IFT70A: variants seen among roughly 807,000 people sequenced by gnomAD.
IFT70A encodes intraflagellar transport protein 70A.
At chr2:177,616,814 T>C in the IFT70A span, 5 of 1,601,232 alleles carry the variant, frequency 3.1e-6, no homozygotes, top group Non-Finnish European at 4.3e-6. Flanking sequence ...GGTTGTTCAA[T>C]AACAGCAGGT....
chr2:177,617,934 A>G, the IFT70A span: 5 of 1,613,906 alleles, frequency 3.1e-6, no homozygotes, highest in East Asian at 2.2e-5. Context: ...TGGCTGCCTT[A>G]AGGTTGAAGG....
the IFT70A span, chr2:177,617,387 T>C: frequency 1.0e-5 from 16 of 1,600,414 alleles, no homozygotes; most frequent in African/African-American, 2.0e-4. Context: ...ATTGGATAAT[T>C]TTCAAGATTC....
At chr2:177,618,711 G>A in the IFT70A span, 3 of 1,537,276 alleles carry the variant, frequency 2.0e-6, no homozygotes, top group East Asian at 2.3e-5. Flanking sequence ...TAACCACCAC[G>A]GCTGTTATGC....
the IFT70A span, chr2:177,618,651 T>C: frequency 3.7e-6 from 6 of 1,606,982 alleles, no homozygotes; most frequent in Admixed American, 1.7e-5. Context: ...GCCGGTACAC[T>C]AGCGCGGTAA....
chr2:177,618,673 G>T, the IFT70A span: 2 of 1,596,344 alleles, frequency 1.3e-6, no homozygotes, highest in East Asian at 4.5e-5. Context: ...CTCCCCGTCG[G>T]GGATCTGCGC....
At chr2:177,618,488 C>G in the IFT70A span, 4,740 of 1,586,924 alleles carry the variant, frequency 3.0e-3, 13 homozygotes, top group Middle Eastern at 4.3e-3. Context: ...TGCAGCTGGC[C>G]CAGCTGCTCA....
At chr2:177,618,424 C>G in the IFT70A span, 6 of 1,611,274 alleles carry the variant, frequency 3.7e-6, no homozygotes, top group African/African-American at 8.0e-5. Context: ...CGGATAAAGG[C>G]AGGCCTTGTA....
At chr2:177,616,693 A>T in the IFT70A span, 1 of 1,459,182 alleles carries the variant, frequency 6.9e-7, no homozygotes, top group Non-Finnish European at 9.0e-7. Context: ...AAAAGCCACT[A>T]TCAGTCATAA....
At chr2:177,613,432 C>T in the IFT70A span, 3 of 152,270 alleles carry the variant, frequency 2.0e-5, no homozygotes, top group South Asian at 6.2e-4. Context: ...TACTTCATGA[C>T]TAAAAATGGA....
At chr2:177,617,859 T>C in the IFT70A span, 16 of 1,614,258 alleles carry the variant, frequency 9.9e-6, no homozygotes, top group East Asian at 2.2e-5. Flanking sequence ...ACTCTTCCTC[T>C]GCCCTGGGTG....
the IFT70A span, chr2:177,614,084 T>C: frequency 6.6e-6 from 1 of 152,170 alleles, no homozygotes; most frequent in Non-Finnish European, 1.5e-5. Flanking sequence ...GGTGGATCAA[T>C]CTTGGCCCAA....
chr2:177,618,224 G>C, the IFT70A span: 2 of 1,614,256 alleles, frequency 1.2e-6, no homozygotes. Context: ...AAACAACCCA[G>C]GTTGACCTGG....
chr2:177,614,414 T>C, the IFT70A span: 5 of 152,170 alleles, frequency 3.3e-5, no homozygotes, highest in African/African-American at 1.2e-4. Flanking sequence ...GTTTAAAAGA[T>C]GGAGGCTACC....
the IFT70A span, chr2:177,617,636 G>A: frequency 1.2e-6 from 2 of 1,614,126 alleles, no homozygotes; most frequent in Admixed American, 1.7e-5. Context: ...TAGAGATAGG[G>A]TGTGAGGAAC....
chr2:177,618,277 C>G, the IFT70A span: 1 of 1,614,122 alleles, frequency 6.2e-7, no homozygotes. Context: ...TCCCCCTTCC[C>G]CACTCAGCAG....
the IFT70A span, chr2:177,614,979 T>C: frequency 6.6e-6 from 1 of 152,196 alleles, no homozygotes; most frequent in Non-Finnish European, 1.5e-5. Context: ...GACTGATGAT[T>C]TGATTTGGTG....
the IFT70A span, chr2:177,617,267 T>C: frequency 4.0e-5 from 63 of 1,575,816 alleles, no homozygotes; most frequent in Admixed American, 3.5e-4. Flanking sequence ...TAGAAACCAA[T>C]GGCTTCTTTG....
chr2:177,614,137 A>G, the IFT70A span: 7 of 152,262 alleles, frequency 4.6e-5, no homozygotes, highest in Middle Eastern at 3.4e-3. Flanking sequence ...AAGAACCTCA[A>G]TTAATAGTGG....
At chr2:177,616,642 C>T in the IFT70A span, 28 of 1,370,902 alleles carry the variant, frequency 2.0e-5, no homozygotes, top group Non-Finnish European at 2.6e-5. Context: ...AGGCTAAATA[C>T]AGATAAAAAA....
Sources: allele counts gnomAD v4.1 joint callset, GRCh38; gene constraint gnomAD v4.1.1; transcripts MANE v1.5; gene names NCBI Gene and HGNC (gene_info 2026-07-23, HGNC 2026-07-21).